GRM7: variants seen among roughly 807,000 people sequenced by gnomAD.
GRM7 encodes the protein metabotropic glutamate receptor 7.
Under a neutral mutation model 84.5 loss-of-function variants are expected in GRM7, and 35 were observed. The observed-to-expected ratio is 0.41, with a 90% CI of 0.32 to 0.55. The LOEUF (loss-of-function observed/expected upper bound fraction) is 0.55, where lower values mean the gene tolerates loss of function less well. GRM7 is among the 20% of genes least tolerant of loss of function. The pLI is 0.19. For synonymous variants in GRM7, 487 were observed against 455.1 expected, an observed-to-expected ratio of 1.07 and a Z score of -0.89; for missense variants, 1,003 against 1,194.6, an observed-to-expected ratio of 0.84 and a Z score of 2.36.
At chr3:7,373,105 C>T (rs139553072) in intron 4 of GRM7, among the ~76,000 whole-genome samples, 1 of 152,096 alleles carries the variant, frequency 6.6e-6, no homozygotes, top group Non-Finnish European at 1.5e-5. Flanking sequence ...TTCAAGGACA[C>T]TCAGTATGAA....
Position 7,731,765 on chromosome 3 carries a change from C to G in GRM7, c.2699-8592C>G, listed in dbSNP as rs191177126. On this transcript the variant is annotated intron_variant, in intron 9 of 9. Coordinates refer to ENST00000357716, the MANE Select transcript of GRM7 (RefSeq NM_000844.4). ...ATTGTAGACTGGCCTTTTGAGATAG[C>G]TTTTCTGTTTGTTTTGCATGTCTGA... is the stretch of plus-strand genomic sequence containing the variant. Among the ~76,000 whole-genome samples the G allele has an allele frequency of 5.3e-5, 8 of 152,240 alleles. No homozygotes were observed. In the East Asian group the frequency reaches 1.5e-3, roughly 29 times the overall value.
chr3:7,263,945 C>T (rs931686831), intron 2 of GRM7, among the ~76,000 whole-genome samples: 2 of 151,990 alleles, frequency 1.3e-5, no homozygotes, highest in Admixed American at 6.6e-5. Flanking sequence ...TGGCCGTGGG[C>T]GAGTGCATGC....
At chr3:7,253,132 C>T (rs73128298) in intron 2 of GRM7, among the ~76,000 whole-genome samples, 6,711 of 151,560 alleles carry the variant, frequency 0.044, 527 homozygotes, top group African/African-American at 0.16. Context: ...ATGCACTCCT[C>T]AGTTCACATG....
intron 8 of GRM7, among the ~76,000 whole-genome samples, chr3:7,635,385 C>T (rs7631564): frequency 0.88 from 133,930 of 152,208 alleles, 59,211 homozygotes; most frequent in African/African-American, 0.97. Context: ...TGTTCAACAA[C>T]GTGTCCATTT....
chr3:7,045,653 T>C (rs1696780651), intron 1 of GRM7, among the ~76,000 whole-genome samples: 1 of 152,154 alleles, frequency 6.6e-6, no homozygotes, highest in Admixed American at 6.6e-5. Context: ...TCTTTCTGTG[T>C]CTGGTTTATT....
chr3:7,183,983 G>A (rs906046389), intron 2 of GRM7, among the ~76,000 whole-genome samples: 4 of 152,120 alleles, frequency 2.6e-5, no homozygotes, highest in African/African-American at 7.2e-5. Context: ...GTCATCCTGA[G>A]TGCCATGTTC....
intron 7 of GRM7, among the ~76,000 whole-genome samples, chr3:7,500,911 A>C (rs1192160546): frequency 6.6e-6 from 1 of 152,208 alleles, no homozygotes; most frequent in Admixed American, 6.5e-5. Flanking sequence ...CAGATATCCC[A>C]CATCATGAAG....
intron 4 of GRM7, among the ~76,000 whole-genome samples, chr3:7,371,250 C>T (rs1036708942): frequency 1.3e-5 from 2 of 152,162 alleles, no homozygotes; most frequent in African/African-American, 4.8e-5. Context: ...CTTCTGAAAA[C>T]TGGCTCAAAT....
At chr3:7,254,893 A>G (rs1245561350) in intron 2 of GRM7, among the ~76,000 whole-genome samples, 1 of 152,212 alleles carries the variant, frequency 6.6e-6, no homozygotes, top group Admixed American at 6.5e-5. Flanking sequence ...AACCCTTTCA[A>G]CTGCTGTTGG....
At chr3:6,905,864 G>A (rs546381836) in intron 1 of GRM7, among the ~76,000 whole-genome samples, 7 of 152,258 alleles carry the variant, frequency 4.6e-5, no homozygotes, top group African/African-American at 1.4e-4. Flanking sequence ...TGAAATGATG[G>A]TATGATTTTC....
At chr3:7,224,308 C>T (rs1393543476) in intron 2 of GRM7, among the ~76,000 whole-genome samples, 1 of 152,062 alleles carries the variant, frequency 6.6e-6, no homozygotes, top group Non-Finnish European at 1.5e-5. Context: ...CACTTTTAAA[C>T]AACTAGAACT....
At position 7,055,477 on chromosome 3, in the gene GRM7, CTGTGTGTGTGTGTGTG is replaced by C. The variant is rs148298277; in HGVS notation, c.520-90961_520-90946del. 8.4e-5 allele frequency among the ~76,000 whole-genome samples: 12 copies of C among 143,670 alleles called. 1 individual carries two copies. Among genetic ancestry groups the C allele is most frequent in the Admixed American group, 4.2e-4 (6 of 14,228 alleles). The allele number at this position is 143,670 out of a possible 152,430, so 94.3% of individuals were successfully genotyped here. A position where few individuals can be genotyped will look rare whatever the true frequency, so the allele number is the denominator to read the frequency against. On this transcript the variant is annotated intron_variant, in intron 1 of 9. Coordinates refer to ENST00000357716, the MANE Select transcript of GRM7 (RefSeq NM_000844.4). ...TTTTATATATAAATATTTTATATAT[CTGTGTGTGTGTGTGTG>C]TGTGTGTGTGTGTATGTATATATAT...
chr3:7,636,239 A>ACC (rs770843191), intron 8 of GRM7: 11 of 456,668 alleles, frequency 2.4e-5, no homozygotes, highest in Admixed American at 1.4e-4. Context: ...GTCTTCTCTT[A>ACC]CCCCACTTCC....
intron 4 of GRM7, among the ~76,000 whole-genome samples, chr3:7,409,369 A>G (rs2125170775): frequency 6.6e-6 from 1 of 152,068 alleles, no homozygotes; most frequent in African/African-American, 2.4e-5. Context: ...ACTTTTCCTG[A>G]AAGACAAAAG....
At chr3:7,110,146 C>A (rs1391944) in intron 1 of GRM7, among the ~76,000 whole-genome samples, 60,722 of 151,822 alleles carry the variant, frequency 0.4, 12,853 homozygotes, top group African/African-American at 0.55. Context: ...TATGGAAAAT[C>A]ATTTAATAGC....
chr3:6,934,554 T>A (rs1356515978), intron 1 of GRM7, among the ~76,000 whole-genome samples: 1 of 152,170 alleles, frequency 6.6e-6, no homozygotes, highest in Admixed American at 6.5e-5. Flanking sequence ...TATGAGTATT[T>A]GTATGTATCT....
intron 2 of GRM7, among the ~76,000 whole-genome samples, chr3:7,200,799 G>A (rs1696040012): frequency 6.6e-6 from 1 of 152,038 alleles, no homozygotes; most frequent in South Asian, 2.1e-4. Context: ...TCAAGTGACT[G>A]CAACAATTGC....
chr3:7,476,112 T>C (rs1698911097), intron 7 of GRM7, among the ~76,000 whole-genome samples: 1 of 152,214 alleles, frequency 6.6e-6, no homozygotes, highest in Non-Finnish European at 1.5e-5. Flanking sequence ...GCAGGCTGCC[T>C]GGGTTTAAAT....
intron 8 of GRM7, among the ~76,000 whole-genome samples, chr3:7,614,248 G>C (rs554148796): frequency 6.6e-6 from 1 of 152,258 alleles, no homozygotes; most frequent in East Asian, 1.9e-4. Context: ...TTTGGTGACA[G>C]AGTGAGACTC....
Sources: gnomAD v4.1 joint callset for allele counts (sites outside exome capture counted in the v4.1 genomes callset) on GRCh38, gnomAD v4.1.1 for gene constraint, MANE v1.5 for transcripts, NCBI Gene and HGNC (gene_info 2026-07-23, HGNC 2026-07-21) for gene names.